Variants in ZDHHC14 observed in about 807,000 individuals in gnomAD.
ZDHHC14 encodes palmitoyltransferase ZDHHC14.
Under a neutral mutation model 47.7 loss-of-function variants are expected in ZDHHC14, and 16 were observed. The observed-to-expected ratio is 0.34, with a 90% confidence interval of 0.23 to 0.51. The LOEUF (loss-of-function observed/expected upper bound fraction) is 0.51. Among genes scored for constraint, ZDHHC14 ranks in the 20% least tolerant of loss-of-function variants. ZDHHC14 has a pLI of 0.97. For synonymous variants in ZDHHC14, 293 were observed against 278.9 expected (o/e 1.05, Z -0.50); for missense variants, 515 against 662.5 (o/e 0.78, Z 2.44).
chr6:157,490,867 T>G (rs1779897423), intron 1 of ZDHHC14, among the ~76,000 whole-genome samples: 1 of 152,220 alleles, frequency 6.6e-6, no homozygotes, highest in Non-Finnish European at 1.5e-5. Context: ...CCAGGCACTT[T>G]GGAGGGAGCT....
intron 3 of ZDHHC14, among the ~76,000 whole-genome samples, chr6:157,622,000 C>T (rs942821304): frequency 6.6e-6 from 1 of 152,184 alleles, no homozygotes; most frequent in East Asian, 1.9e-4. Context: ...GCGCCTACCC[C>T]CAGGGCTGCT....
rs957344289 is a variant in ZDHHC14, at chr6:157,381,933, C to T, written c.-89C>T. On this transcript the variant is annotated 5_prime_UTR_variant, in exon 1 of 9. Coordinates refer to ENST00000359775, the MANE Select transcript of ZDHHC14 (RefSeq NM_024630.3). ...GCGGCGCCGCGGCTCGGGGGGCGGC[C>T]GGGCGGCCGGCGGCGGTCGTGGCTC... The T allele has an allele frequency of 1.2e-4, 115 of 968,466 alleles. No homozygotes were observed. The African/African-American group carries it at 2.0e-3, about 17-fold the overall frequency. The allele number at this position is 968,466 out of a possible 1,614,324, so 60.0% of individuals were successfully genotyped here. A position where few individuals can be genotyped will look rare whatever the true frequency, so the allele number is the denominator to read the frequency against.
At chr6:157,481,512 C>T (rs1198476887) in intron 1 of ZDHHC14, among the ~76,000 whole-genome samples, 1 of 152,240 alleles carries the variant, frequency 6.6e-6, no homozygotes, top group African/African-American at 2.4e-5. Flanking sequence ...TTCAGACAAG[C>T]TGTTCTCATT....
chr6:157,457,860 C>T (rs561615062), intron 1 of ZDHHC14, among the ~76,000 whole-genome samples: 206 of 152,338 alleles, frequency 1.4e-3, no homozygotes, highest in Non-Finnish European at 2.6e-3. Flanking sequence ...CACTGAGCCT[C>T]AACTGCCATG....
At chr6:157,512,333 C>T (rs1315937897) in intron 1 of ZDHHC14, among the ~76,000 whole-genome samples, 1 of 152,220 alleles carries the variant, frequency 6.6e-6, no homozygotes, top group East Asian at 1.9e-4. Context: ...AAGCCCCTTC[C>T]TTAGCTTACG....
intron 1 of ZDHHC14, among the ~76,000 whole-genome samples, chr6:157,433,498 G>C (rs542223345): frequency 6.6e-6 from 1 of 152,312 alleles, no homozygotes; most frequent in Admixed American, 6.5e-5. Flanking sequence ...GTTCAGCCTG[G>C]GCCGTGATGT....
At chr6:157,669,486 G>A (rs1422634130) in intron 8 of ZDHHC14, among the ~76,000 whole-genome samples, 2 of 152,148 alleles carry the variant, frequency 1.3e-5, no homozygotes, top group East Asian at 3.9e-4. Flanking sequence ...TCTGCCCTCA[G>A]GCTCCTACTG....
intron 8 of ZDHHC14, among the ~76,000 whole-genome samples, chr6:157,666,212 C>T (rs1002510238): frequency 1.3e-5 from 2 of 152,136 alleles, no homozygotes; most frequent in Non-Finnish European, 2.9e-5. Context: ...CCTTTGGGAT[C>T]GCATGCTAAA....
intron 1 of ZDHHC14, among the ~76,000 whole-genome samples, chr6:157,444,102 C>A (rs1778613568): frequency 6.6e-6 from 1 of 152,100 alleles, no homozygotes; most frequent in African/African-American, 2.4e-5. Context: ...GGAACTTGCC[C>A]AAAGTCAAAC....
chr6:157,433,329 T>A (rs2114783232), intron 1 of ZDHHC14, among the ~76,000 whole-genome samples: 1 of 152,344 alleles, frequency 6.6e-6, no homozygotes, highest in East Asian at 1.9e-4. Context: ...TTTTCTGATA[T>A]CGAAAGAAGG....
chr6:157,615,972 T>G (rs1784948628), intron 3 of ZDHHC14, among the ~76,000 whole-genome samples: 1 of 152,154 alleles, frequency 6.6e-6, no homozygotes, highest in African/African-American at 2.4e-5. Context: ...GGAGCTCAGC[T>G]TGGAAACCCA....
At chr6:157,654,898 C>T (rs1778015936) in intron 8 of ZDHHC14, among the ~76,000 whole-genome samples, 1 of 151,988 alleles carries the variant, frequency 6.6e-6, no homozygotes, top group African/African-American at 2.4e-5. Flanking sequence ...ACCATGCAGG[C>T]TAATTTTTGT....
intron 1 of ZDHHC14, among the ~76,000 whole-genome samples, chr6:157,401,237 A>T (rs138362005): frequency 3.3e-4 from 50 of 152,322 alleles, no homozygotes; most frequent in African/African-American, 9.4e-4. Flanking sequence ...AATGGACTCT[A>T]AAAAAAGCTT....
intron 3 of ZDHHC14, among the ~76,000 whole-genome samples, chr6:157,615,183 T>C (rs1784917932): frequency 6.6e-6 from 1 of 152,224 alleles, no homozygotes; most frequent in Non-Finnish European, 1.5e-5. Context: ...AGTGCCTTTG[T>C]TGAGAAAAGT....
chr6:157,645,587 G>A lies in ZDHHC14; in HGVS notation c.753-150G>A, dbSNP rs531852880. On this transcript the variant is annotated intron_variant, in intron 5 of 8. Transcript: ENST00000359775. ...CTCCATCTGGTTAGACGAAATTCCC[G>A]GAAGAGCAGGAAGCAAGGCAAGGCC... 19 of 611,286 alleles carry A rather than the reference G, an allele frequency of 3.1e-5. No individual in the cohort carries two copies. The East Asian group carries it at 3.2e-4, about 10-fold the overall frequency. 37.9% of individuals were successfully genotyped at this position (611,286 alleles called of 1,614,324 possible). A position where few individuals can be genotyped will look rare whatever the true frequency, so the allele number is the denominator to read the frequency against.
intron 8 of ZDHHC14, among the ~76,000 whole-genome samples, chr6:157,665,911 A>G (rs980600337): frequency 6.6e-6 from 1 of 152,232 alleles, no homozygotes; most frequent in African/African-American, 2.4e-5. Context: ...GTCTCTTGCC[A>G]TCTGAACTCC....
At chr6:157,614,273 A>G (rs147432957) in intron 3 of ZDHHC14, among the ~76,000 whole-genome samples, 1 of 151,838 alleles carries the variant, frequency 6.6e-6, no homozygotes, top group Non-Finnish European at 1.5e-5. Context: ...AACTTCACTC[A>G]CAGCTGCTCA....
chr6:157,382,066 C>A lies in ZDHHC14; in HGVS notation c.45C>A (p.Ser15Arg). ...GGGPMKDCEY[S>R]QISTHSSSPM... ...GGCCCATGAAAGACTGCGAGTACAG[C>A]CAGATCAGCACCCACAGCTCCTCCC... Residue 15 changes from serine (S) to arginine (R), a missense_variant, in exon 1 of 9, where the codon AGC becomes AGA. Physicochemically the swap from Ser to Arg is moderately radical, Grantham distance 110. Coordinates refer to ENST00000359775, the MANE Select transcript of ZDHHC14 (RefSeq NM_024630.3). 1.2e-6 allele frequency: 2 copies of A among 1,601,846 alleles called. No homozygotes were observed. The highest frequency in any genetic ancestry group is 1.3e-5 in the African/African-American group (1 of 74,734).
intron 5 of ZDHHC14, among the ~76,000 whole-genome samples, chr6:157,641,192 GAAGTA>G (rs1777231359): frequency 6.6e-6 from 1 of 152,158 alleles, no homozygotes; most frequent in South Asian, 2.1e-4. Flanking sequence ...TTCAAGAAAT[GAAGTA>G]GTGAATTTTC....
Sources: gnomAD v4.1 joint callset for allele counts (sites outside exome capture counted in the v4.1 genomes callset) on GRCh38, gnomAD v4.1.1 for gene constraint, MANE v1.5 for transcripts, NCBI Gene and HGNC (gene_info 2026-07-23, HGNC 2026-07-21) for gene names.